HIBADH: variants seen among roughly 807,000 people sequenced by gnomAD.
The protein encoded by HIBADH is 3-hydroxyisobutyrate dehydrogenase.
HIBADH carries 25 observed loss-of-function variants against 36.1 expected under a neutral mutation model. The ratio of observed to expected loss-of-function variants is 0.69; its 90% CI spans 0.50 to 0.97. The LOEUF (loss-of-function observed/expected upper bound fraction) is 0.97, where lower values mean the gene tolerates loss of function less well. Among genes scored for constraint, HIBADH ranks in the 50% least tolerant of loss-of-function variants. The probability of loss-of-function intolerance (pLI) is 0.00; values close to 1 mark genes in which losing one functional copy is unlikely to be tolerated. For synonymous variants in HIBADH, 160 were observed against 149.5 expected, an observed-to-expected ratio of 1.07 and a Z score of -0.51; for missense variants, 421 against 418.0, an observed-to-expected ratio of 1.01 and a Z score of -0.06.
At chr7:27,604,603 T>G (rs992356689) in intron 4 of HIBADH, among the ~76,000 whole-genome samples, 5 of 152,118 alleles carry the variant, frequency 3.3e-5, no homozygotes, top group African/African-American at 1.2e-4. Context: ...AATATTAGCA[T>G]ACAACAAAGC....
intron 4 of HIBADH, among the ~76,000 whole-genome samples, chr7:27,578,799 C>T (rs990833866): frequency 6.6e-6 from 1 of 152,088 alleles, no homozygotes; most frequent in African/African-American, 2.4e-5. Context: ...GAGGTTAGGA[C>T]TCTAAGAAAA....
Position 27,575,463 on chromosome 7 carries a change from G to A in HIBADH, c.485-32363C>T, listed in dbSNP as rs183204543. ...TTGGATCCAGAGTGTGGAGAGCCTT[G>A]AATGGCAGGCTGAGAAGGAAGACTG... On this transcript the variant is annotated intron_variant, in intron 4 of 7. Coordinates refer to ENST00000265395, the MANE Select transcript of HIBADH (RefSeq NM_152740.4). 6.9e-4 allele frequency among the ~76,000 whole-genome samples: 105 copies of A among 152,340 alleles called. 1 individual carries two copies. Among genetic ancestry groups the A allele is most frequent in the Admixed American group, 1.2e-3 (19 of 15,306 alleles).
chr7:27,654,192 A>G (rs147728542), intron 1 of HIBADH, among the ~76,000 whole-genome samples: 1 of 152,302 alleles, frequency 6.6e-6, no homozygotes, highest in East Asian at 1.9e-4. Context: ...TATTCAAAAC[A>G]CAAAGAAAAA....
At chr7:27,660,779 G>T (rs1322505075) in intron 1 of HIBADH, among the ~76,000 whole-genome samples, 1 of 151,922 alleles carries the variant, frequency 6.6e-6, no homozygotes, top group Non-Finnish European at 1.5e-5. Flanking sequence ...ATTACCTTTG[G>T]GCCAAAGAAC....
chr7:27,638,308 C>CAAAAAAAAAAAAAAAAAAAAAAAAAA (rs368715218), intron 2 of HIBADH, among the ~76,000 whole-genome samples: 6 of 55,464 alleles, frequency 1.1e-4, no homozygotes, highest in East Asian at 6.2e-4. Flanking sequence ...TTGGCAAAGT[C>CAAAAAAAAAAAAAAAAAAAAAAAAAA]AAAAAAAAAA....
At chr7:27,609,335 C>T (rs1418485675) in intron 4 of HIBADH, among the ~76,000 whole-genome samples, 1 of 152,152 alleles carries the variant, frequency 6.6e-6, no homozygotes, top group Admixed American at 6.5e-5. Context: ...CAGTCTTAGG[C>T]ATGCCAAAGA....
intron 4 of HIBADH, among the ~76,000 whole-genome samples, chr7:27,570,918 T>C (rs931928783): frequency 2.6e-5 from 4 of 152,182 alleles, no homozygotes; most frequent in African/African-American, 9.7e-5. Flanking sequence ...ATGTCAATTC[T>C]GAAAAATTCT....
At chr7:27,543,693 A>G (rs1880370) in intron 4 of HIBADH, among the ~76,000 whole-genome samples, 116,483 of 152,172 alleles carry the variant, frequency 0.77, 45,147 homozygotes, top group East Asian at 0.94. Context: ...TTATTCTCAT[A>G]TGTACTTTTC....
chr7:27,634,713 G>C (rs966677913), intron 2 of HIBADH, among the ~76,000 whole-genome samples: 21 of 152,334 alleles, frequency 1.4e-4, no homozygotes, highest in African/African-American at 4.6e-4. Flanking sequence ...CTCTCCCACT[G>C]AAAGAAATTA....
chr7:27,642,134 T>C lies in HIBADH; in HGVS notation c.252+7339A>G, dbSNP rs187817758. On this transcript the variant is annotated intron_variant, in intron 2 of 7. Transcript: ENST00000265395. ...TTCCTTCTTCACACCCAGTGACATA[T>C]TGCAAGGAAGAAGAAAAAGGAAAAC... is the stretch of plus-strand genomic sequence containing the variant. Among the ~76,000 whole-genome samples, 4 of 152,298 alleles carry C rather than the reference T, an allele frequency of 2.6e-5. No individual in the cohort carries two copies. The East Asian group carries it at 7.7e-4, about 29-fold the overall frequency.
At chr7:27,614,111 T>C (rs186856863) in intron 4 of HIBADH, among the ~76,000 whole-genome samples, 27 of 152,322 alleles carry the variant, frequency 1.8e-4, no homozygotes, top group South Asian at 4.1e-4. Context: ...AGGAGTTCCA[T>C]TTCTGCTTGT....
intron 2 of HIBADH, among the ~76,000 whole-genome samples, chr7:27,646,689 ATTTTT>A (rs34491908): frequency 2.7e-5 from 2 of 74,852 alleles, no homozygotes; most frequent in South Asian, 5.5e-4. Flanking sequence ...CACGCCCAGC[ATTTTT>A]TTTTTTTTTT....
chr7:27,652,222 C>G (rs1786208134), intron 1 of HIBADH, among the ~76,000 whole-genome samples: 1 of 152,138 alleles, frequency 6.6e-6, no homozygotes, highest in South Asian at 2.1e-4. Context: ...CATTCTAATT[C>G]TAGAGTCTCC....
chr7:27,582,159 T>A (rs1784802727), intron 4 of HIBADH, among the ~76,000 whole-genome samples: 1 of 152,178 alleles, frequency 6.6e-6, no homozygotes, highest in Non-Finnish European at 1.5e-5. Flanking sequence ...AATGTTGTTG[T>A]ATGCTTTACA....
intron 4 of HIBADH, among the ~76,000 whole-genome samples, chr7:27,580,000 T>C (rs1784766076): frequency 6.6e-6 from 1 of 152,056 alleles, no homozygotes; most frequent in African/African-American, 2.4e-5. Flanking sequence ...TCAAAATACA[T>C]GAGAGTCTGT....
chr7:27,660,468 C>G (rs1263319840), intron 1 of HIBADH, among the ~76,000 whole-genome samples: 1 of 152,202 alleles, frequency 6.6e-6, no homozygotes, highest in Non-Finnish European at 1.5e-5. Flanking sequence ...TAGAGACCAT[C>G]CTGGCTAACA....
chr7:27,546,934 T>C (rs184963436), intron 4 of HIBADH, among the ~76,000 whole-genome samples: 2 of 152,324 alleles, frequency 1.3e-5, no homozygotes, highest in Non-Finnish European at 2.9e-5. Context: ...CTTCTCCTCT[T>C]GTCTCTGTAG....
At chr7:27,650,575 C>T (rs966308191) in intron 1 of HIBADH, among the ~76,000 whole-genome samples, 1 of 151,154 alleles carries the variant, frequency 6.6e-6, no homozygotes, top group African/African-American at 2.4e-5. Context: ...TCACTGAAGC[C>T]TCTGCCTATT....
chr7:27,553,017 G>A (rs776790523), intron 4 of HIBADH, among the ~76,000 whole-genome samples: 7 of 152,094 alleles, frequency 4.6e-5, no homozygotes, highest in Non-Finnish European at 7.4e-5. Flanking sequence ...ACCTATATAC[G>A]ATTGTGAAAC....
Sources: allele counts gnomAD v4.1 joint callset (sites outside exome capture counted in the v4.1 genomes callset), GRCh38; gene constraint gnomAD v4.1.1; transcripts MANE v1.5; gene names NCBI Gene and HGNC (gene_info 2026-07-23, HGNC 2026-07-21).